MSI2: variants seen among roughly 807,000 people sequenced by gnomAD.
The protein encoded by MSI2 is RNA-binding protein Musashi homolog 2.
In MSI2, 17 loss-of-function variants were observed where a neutral mutation model predicts 45.6. That is an observed-to-expected ratio of 0.37 (90% CI 0.26 to 0.56). MSI2 has a LOEUF of 0.56. Ranked by LOEUF, MSI2 falls within the 20% of genes least tolerant of loss-of-function variation. The pLI, the probability that MSI2 is intolerant of heterozygous loss-of-function variation, is 0.77. For synonymous variants in MSI2, 156 were observed against 158.2 expected, an observed-to-expected ratio of 0.99 and a Z score of 0.11; for missense variants, 293 against 444.2, an observed-to-expected ratio of 0.66 and a Z score of 3.06.
At chr17:57,487,014 T>C (rs780375019) in intron 6 of MSI2, among the ~76,000 whole-genome samples, 1 of 152,004 alleles carries the variant, frequency 6.6e-6, no homozygotes, top group Non-Finnish European at 1.5e-5. Context: ...CCCAGCCAAG[T>C]AGGGAGGGGA....
chr17:57,632,939 T>C, intron 10 of MSI2: 1 of 1,056,254 alleles, frequency 9.5e-7, no homozygotes, highest in Non-Finnish European at 1.1e-6. Context: ...CTGCAGGCTT[T>C]TCCATGAGTA....
At chr17:57,373,167 T>C (rs1292477495) in intron 5 of MSI2, among the ~76,000 whole-genome samples, 1 of 151,880 alleles carries the variant, frequency 6.6e-6, no homozygotes, top group African/African-American at 2.4e-5. Context: ...TGAGGCACGC[T>C]TGAACCCAGG....
At chr17:57,270,820 G>A in intron 5 of MSI2, among the ~76,000 whole-genome samples, 1 of 152,194 alleles carries the variant, frequency 6.6e-6, no homozygotes, top group Non-Finnish European at 1.5e-5. Context: ...TAACCGAGCA[G>A]CTCGTGGGTT....
chr17:57,409,837 T>C (rs542531655), intron 6 of MSI2, among the ~76,000 whole-genome samples: 2 of 151,734 alleles, frequency 1.3e-5, no homozygotes, highest in African/African-American at 2.4e-5. Flanking sequence ...TGAAACCCTG[T>C]CTCTACTAAA....
intron 5 of MSI2, among the ~76,000 whole-genome samples, chr17:57,329,940 GTTTTTT>G (rs113322197): frequency 7.1e-6 from 1 of 141,816 alleles, no homozygotes; most frequent in African/African-American, 2.6e-5. Context: ...TTTTGTTTTT[GTTTTTT>G]TTTTTTGGTC....
chr17:57,344,146 G>A (rs1382271252), intron 5 of MSI2, among the ~76,000 whole-genome samples: 7 of 152,212 alleles, frequency 4.6e-5, no homozygotes. Context: ...AGTCTTTACA[G>A]CAATGGTTAC....
chr17:57,493,742 C>G (rs1049064274), intron 6 of MSI2, among the ~76,000 whole-genome samples: 1 of 151,808 alleles, frequency 6.6e-6, no homozygotes, highest in Non-Finnish European at 1.5e-5. Context: ...TTACTAAAAC[C>G]TTCTTCAGCT....
At chr17:57,325,061 T>G (rs1913674794) in intron 5 of MSI2, among the ~76,000 whole-genome samples, 1 of 152,220 alleles carries the variant, frequency 6.6e-6, no homozygotes, top group Non-Finnish European at 1.5e-5. Context: ...TGCAAAGATA[T>G]GGAGCCAACC....
intron 5 of MSI2, among the ~76,000 whole-genome samples, chr17:57,316,453 T>C (rs937642382): frequency 6.6e-6 from 1 of 151,974 alleles, no homozygotes; most frequent in Non-Finnish European, 1.5e-5. Context: ...GCCTCCCAAG[T>C]AGCTGGGACC....
At chr17:57,584,478 C>A (rs2144384935) in intron 7 of MSI2, among the ~76,000 whole-genome samples, 1 of 152,296 alleles carries the variant, frequency 6.6e-6, no homozygotes, top group African/African-American at 2.4e-5. Flanking sequence ...AATGACCCCC[C>A]TGTGGGGGGC....
At chr17:57,382,442 A>G (rs1437164061) in intron 5 of MSI2, among the ~76,000 whole-genome samples, 1 of 152,176 alleles carries the variant, frequency 6.6e-6, no homozygotes, top group Non-Finnish European at 1.5e-5. Flanking sequence ...GGGTCTGAGA[A>G]TCGTGATAGG....
intron 6 of MSI2, among the ~76,000 whole-genome samples, chr17:57,502,604 T>TAGATAG (rs201642252): frequency 1.7e-4 from 13 of 76,556 alleles, no homozygotes; most frequent in African/African-American, 8.7e-4. Flanking sequence ...GACTCTGAGA[T>TAGATAG]ATATATATAT....
At chr17:57,376,352 T>C (rs911329410) in intron 5 of MSI2, among the ~76,000 whole-genome samples, 2 of 152,282 alleles carry the variant, frequency 1.3e-5, no homozygotes, top group Non-Finnish European at 1.5e-5. Context: ...AGACAGCAGG[T>C]CTGGGAACCC....
intron 8 of MSI2, among the ~76,000 whole-genome samples, chr17:57,603,789 G>A (rs1212447668): frequency 6.6e-6 from 1 of 152,240 alleles, no homozygotes; most frequent in East Asian, 1.9e-4. Context: ...TTGGCCTGCT[G>A]GCCACAGTTT....
At chr17:57,340,255 G>C (rs953674860) in intron 5 of MSI2, among the ~76,000 whole-genome samples, 1 of 152,108 alleles carries the variant, frequency 6.6e-6, no homozygotes, top group Admixed American at 6.5e-5. Flanking sequence ...CCAAGGAGTC[G>C]GCCTCCAGAC....
chr17:57,651,291 G>A (rs1438736522), intron 10 of MSI2, among the ~76,000 whole-genome samples: 1 of 151,990 alleles, frequency 6.6e-6, no homozygotes, highest in Non-Finnish European at 1.5e-5. Flanking sequence ...AGAAATCCAG[G>A]GACCCGTAGG....
chr17:57,540,423 T>C (rs1400659554), intron 7 of MSI2, among the ~76,000 whole-genome samples: 2 of 152,156 alleles, frequency 1.3e-5, no homozygotes, highest in African/African-American at 2.4e-5. Context: ...CTGAATTTTG[T>C]CCTCCAAAAG....
chr17:57,659,997 G>T (rs1418454432), intron 11 of MSI2, among the ~76,000 whole-genome samples: 2 of 152,196 alleles, frequency 1.3e-5, no homozygotes, highest in African/African-American at 4.8e-5. Context: ...GACTGTATCA[G>T]AAACCTCCCA....
chr17:57,689,136 G>T (rs954374970), downstream of MSI2, among the ~76,000 whole-genome samples: 1 of 151,756 alleles, frequency 6.6e-6, no homozygotes, highest in African/African-American at 2.4e-5. Context: ...AAGAACGTCT[G>T]GGAAGAGAAA....
Sources: allele counts gnomAD v4.1 joint callset (sites outside exome capture counted in the v4.1 genomes callset), GRCh38; gene constraint gnomAD v4.1.1; transcripts MANE v1.5; gene names NCBI Gene and HGNC (gene_info 2026-07-23, HGNC 2026-07-21).